The following RTBDN variants were observed in gnomAD, a reference collection of about 807,000 sequenced individuals.
The protein encoded by RTBDN is retbindin.
A neutral mutation model predicts 21.9 loss-of-function variants in RTBDN; 24 were observed. The ratio of observed to expected loss-of-function variants is 1.10; its 90% confidence interval spans 0.79 to 1.54. RTBDN has a LOEUF of 1.54. RTBDN is among the 40% of genes most tolerant of loss of function. RTBDN has a pLI of 0.00. For synonymous variants in RTBDN, 141 were observed against 125.9 expected (o/e 1.12, Z -0.80); for missense variants, 325 against 315.2 (o/e 1.03, Z -0.23).
At position 12,834,083 on chromosome 19, in the gene RTBDN, A is replaced by T. The variant is rs1969673446; in HGVS notation, c.-19+406T>A. On this transcript the variant is annotated intron_variant, in intron 1 of 5. Transcript: ENST00000674343. The surrounding 1 kb of genome is among the most constrained non-coding windows in gnomAD (Gnocchi z 4.7). The stretch of plus-strand genomic sequence containing the variant: ...GCGGGGCTGGGCAGGAGGCGGGAGA[A>T]CTTGCACTAGGGTCAGCCGGGACGC... 1 of 397,468 alleles carries T rather than the reference A, an allele frequency of 2.5e-6. No homozygotes were observed. Among genetic ancestry groups the T allele is most frequent in the African/African-American group, 2.1e-5 (1 of 48,496 alleles). The allele number at this position is 397,468 out of a possible 1,614,324, so 24.6% of individuals were successfully genotyped here. A position where few individuals can be genotyped will look rare whatever the true frequency, so the allele number is the denominator to read the frequency against.
intron 4 of RTBDN, 36 bp downstream of exon 4, chr19:12,828,621 G>T: frequency 6.5e-7 from 1 of 1,536,804 alleles, no homozygotes; most frequent in Non-Finnish European, 8.9e-7. Context: ...CCCCGCCCAA[G>T]TCACAACCCA....
At position 12,830,772 on chromosome 19, in the gene RTBDN, T is replaced by C. The variant is rs753538999; in HGVS notation, c.-18-775A>G. ...GGCTGGCCGACTTGGGGCTGGTGTG[T>C]ATATATCCTTGTGTTTGTTTTTATG... On this transcript the variant is annotated intron_variant, in intron 1 of 5. Coordinates refer to ENST00000674343, the MANE Select transcript of RTBDN (RefSeq NM_001270441.2). The surrounding 1 kb of genome is among the most constrained non-coding windows in gnomAD (Gnocchi z 4.2). 5.2e-6 allele frequency: 3 copies of C among 577,710 alleles called. No homozygotes were observed. The highest frequency in any genetic ancestry group is 6.6e-6 in the Non-Finnish European group (3 of 457,252). The allele number at this position is 577,710 out of a possible 1,614,324, so 35.8% of individuals were successfully genotyped here.
Position 12,830,941 on chromosome 19 carries a change from CTGTG to C in RTBDN, c.-18-948_-18-945del, listed in dbSNP as rs1000667526. 7.0e-6 allele frequency among the ~76,000 whole-genome samples: 1 copy of C among 142,306 alleles called. No homozygotes were observed. Among genetic ancestry groups the C allele is most frequent in the Non-Finnish European group, 1.5e-5 (1 of 66,288 alleles). The allele number at this position is 142,306 out of a possible 152,430, so 93.4% of individuals were successfully genotyped here. A position where few individuals can be genotyped will look rare whatever the true frequency, so the allele number is the denominator to read the frequency against. On this transcript the variant is annotated intron_variant, in intron 1 of 5. Coordinates refer to ENST00000674343, the MANE Select transcript of RTBDN (RefSeq NM_001270441.2). The surrounding 1 kb of genome is among the most constrained non-coding windows in gnomAD (Gnocchi z 4.2). ...GCACCTGTGTCTTTTGTTTGTGTGGCTGTGTGTGTGTTGAGCATGTATGTGTGTT... is the reference window on the plus strand; with the variant it reads ...GCACCTGTGTCTTTTGTTTGTGTGGCTGTGTGTTGAGCATGTATGTGTGTT...
rs1196798760 is a variant in RTBDN, at chr19:12,831,054, GTGTA to G, written c.-18-1061_-18-1058del. 2.7e-5 allele frequency among the ~76,000 whole-genome samples: 4 copies of G among 146,714 alleles called. No homozygotes were observed. The East Asian group carries it at 5.9e-4, about 22-fold the overall frequency. Reference sequence around the variant, plus strand: ...TGTGTGTGTGTGTGTGTGTGTGTGTGTGTATACGTTCAGAATCTGGGGGAGGATT... The same window carrying G: ...TGTGTGTGTGTGTGTGTGTGTGTGTGTACGTTCAGAATCTGGGGGAGGATT... On this transcript the variant is annotated intron_variant, in intron 1 of 5. Coordinates refer to ENST00000674343, the MANE Select transcript of RTBDN (RefSeq NM_001270441.2).
chr19:12,826,906 T>C (rs1422287570), intron 4 of RTBDN, 35 bp from the exon 5 acceptor site: 11 of 1,424,656 alleles, frequency 7.7e-6, no homozygotes, highest in Non-Finnish European at 9.7e-6. Context: ...GGTAAAGCCT[T>C]TGTAGTTACA....
At chr19:12,829,329 G>C (rs1044485038) in intron 2 of RTBDN, among the ~76,000 whole-genome samples, 1 of 151,896 alleles carries the variant, frequency 6.6e-6, no homozygotes, top group Non-Finnish European at 1.5e-5. Flanking sequence ...AGCCTCCCAA[G>C]TAGCTGGGAT....
chr19:12,827,310 T>C (rs953065183), intron 4 of RTBDN, among the ~76,000 whole-genome samples: 1 of 148,010 alleles, frequency 6.8e-6, no homozygotes, highest in Non-Finnish European at 1.5e-5. Context: ...CGCACCATCA[T>C]GTCCGATTAA....
Position 12,825,665 on chromosome 19 carries a change from T to C in RTBDN, c.*41A>G. The C allele has an allele frequency of 6.7e-7, 1 of 1,491,066 alleles. No individual in the cohort carries two copies. The highest frequency in any genetic ancestry group is 9.0e-7 in the Non-Finnish European group (1 of 1,108,728). 92.4% of individuals were successfully genotyped at this position (1,491,066 alleles called of 1,614,324 possible). Reference sequence around the variant, plus strand: ...TTCTGGGTGTCCTGAGGGGCGGGGCTGGGGGAAGGGTCGCTCCCCCAACTC... The same window carrying C: ...TTCTGGGTGTCCTGAGGGGCGGGGCCGGGGGAAGGGTCGCTCCCCCAACTC... On this transcript the variant is annotated 3_prime_UTR_variant, in exon 6 of 6. Transcript: ENST00000674343.
rs1969264697 is a variant in RTBDN at position 12,825,764 on chromosome 19, G to A, written c.632C>T (p.Thr211Ile). The A allele has an allele frequency of 6.2e-7, 1 of 1,609,350 alleles. No homozygotes were observed. The highest frequency in any genetic ancestry group is 1.3e-5 in the African/African-American group (1 of 74,838). The change falls in exon 6 of 6, where the codon ACC (threonine) becomes ATC (isoleucine). Residue 211 changes from threonine (T) to isoleucine (I), a missense_variant. Coordinates refer to ENST00000674343, the MANE Select transcript of RTBDN (RefSeq NM_001270441.2). ...GCTGCCCGCAGCGTCCAGGATGGAG[G>A]TGCGAGGGCTGCGGGAACGCCGGGA... ...APSRRSRSPRTSILDAAGSGS... is the reference protein window; with the variant it reads ...APSRRSRSPRISILDAAGSGS...
At chr19:12,833,769 G>A (rs1184252030) in intron 1 of RTBDN, among the ~76,000 whole-genome samples, 4 of 114,532 alleles carry the variant, frequency 3.5e-5, no homozygotes, top group African/African-American at 1.0e-4. Context: ...GGCTGAGCCC[G>A]GGCTCGGGCG....
At chr19:12,832,026 T>C (rs1279839896) in intron 1 of RTBDN, among the ~76,000 whole-genome samples, 1 of 152,216 alleles carries the variant, frequency 6.6e-6, no homozygotes, top group African/African-American at 2.4e-5. Context: ...TGGCTGCAGA[T>C]GTGAGTTTGT....
In RTBDN at chr19:12,829,028, C is replaced by G. The variant is rs371535918; in HGVS notation, c.170-75G>C. On this transcript the variant is annotated intron_variant, in intron 2 of 5. Transcript: ENST00000674343. ...TTTGGGAACTGAGGCCTGGGGATCCCCTGGACAGGGGAGACAACAATTACA... is the reference window on the plus strand; with the variant it reads ...TTTGGGAACTGAGGCCTGGGGATCCGCTGGACAGGGGAGACAACAATTACA... The G allele has an allele frequency of 1.3e-4, 211 of 1,591,752 alleles. 2 individuals carry two copies. In the East Asian group the frequency reaches 3.9e-3, roughly 30 times the overall value.
chr19:12,825,487 T>C lies in RTBDN; in HGVS notation c.*219A>G. 1.5e-6 allele frequency: 1 copy of C among 685,970 alleles called. No homozygotes were observed. Among genetic ancestry groups the C allele is most frequent in the Non-Finnish European group, 2.3e-6 (1 of 427,322 alleles). The allele number at this position is 685,970 out of a possible 1,614,324, so 42.5% of individuals were successfully genotyped here. On this transcript the variant is annotated 3_prime_UTR_variant, in exon 6 of 6. Transcript: ENST00000674343. ...AAGCAGCCACACTCGTCACGTGCTCTAGCTGGCGACTTTATTCAAAGGGGA... is the reference window on the plus strand; with the variant it reads ...AAGCAGCCACACTCGTCACGTGCTCCAGCTGGCGACTTTATTCAAAGGGGA...
At position 12,830,337 on chromosome 19, in the gene RTBDN, G is replaced by C. The variant is rs769869139; in HGVS notation, c.-18-340C>G. 2 of 1,039,308 alleles carry C rather than the reference G, an allele frequency of 1.9e-6. No individual in the cohort carries two copies. Among genetic ancestry groups the C allele is most frequent in the Non-Finnish European group, 2.3e-6 (2 of 864,232 alleles). The allele number at this position is 1,039,308 out of a possible 1,614,324, so 64.4% of individuals were successfully genotyped here. On this transcript the variant is annotated intron_variant, in intron 1 of 5. Transcript: ENST00000674343. This position sits in a 1 kb window ranked among gnomAD's most constrained non-coding sequence, Gnocchi z 4.2. ...CTCAGAATGAAGGGGACCTCCCTAG[G>C]TCTTCCAATCCCCCTCTCCTGTTCA... is the stretch of plus-strand genomic sequence containing the variant.
chr19:12,832,666 C>T (rs1184485298), intron 1 of RTBDN: 1 of 152,228 alleles, frequency 6.6e-6, no homozygotes, highest in African/African-American at 2.4e-5. Context: ...GATGTGCCAG[C>T]AAGGGACTCA....
At chr19:12,833,252 T>G (rs1355811140) in intron 1 of RTBDN, among the ~76,000 whole-genome samples, 2 of 152,086 alleles carry the variant, frequency 1.3e-5, no homozygotes, top group African/African-American at 4.8e-5. Context: ...TGTTTCTCTG[T>G]AAGCATGAGA....
chr19:12,834,476 G>C lies in RTBDN; in HGVS notation c.-19+13C>G. 6.5e-7 allele frequency: 1 copy of C among 1,532,478 alleles called. No individual in the cohort carries two copies. The highest frequency in any genetic ancestry group is 8.7e-7 in the Non-Finnish European group (1 of 1,143,574). The allele number at this position is 1,532,478 out of a possible 1,614,324, so 94.9% of individuals were successfully genotyped here. A position where few individuals can be genotyped will look rare whatever the true frequency, so the allele number is the denominator to read the frequency against. ...CCTCCCGAGGCATAGGACGCCCTGC[G>C]TCCCCCACGCACCTGCCTGGCCATC... On this transcript the variant is annotated intron_variant, in intron 1 of 5. Transcript: ENST00000674343. This position sits in a 1 kb window ranked among gnomAD's most constrained non-coding sequence, Gnocchi z 4.7.
chr19:12,828,584 C>G (rs1599554104), intron 4 of RTBDN, 73 bp downstream of exon 4: 1 of 1,200,430 alleles, frequency 8.3e-7, no homozygotes, highest in East Asian at 2.4e-5. Context: ...CACAGAAGGC[C>G]AAGCAAACTG....
chr19:12,826,027 G>C, intron 5 of RTBDN, 94 bp from the exon 6 acceptor site: 1 of 1,443,356 alleles, frequency 6.9e-7, no homozygotes, highest in Non-Finnish European at 9.1e-7. Context: ...ATTCCTTAGG[G>C]ATTGGGGTCA....
Sources: gnomAD v4.1 joint callset for allele counts (sites outside exome capture counted in the v4.1 genomes callset) on GRCh38, gnomAD v4.1.1 for gene constraint, Gnocchi (gnomAD v3.1) non-coding constraint, MANE v1.5 for transcripts, NCBI Gene and HGNC (gene_info 2026-07-23, HGNC 2026-07-21) for gene names.